Variants in LRRC7 observed in about 807,000 individuals in gnomAD.
LRRC7 encodes the protein leucine rich repeat containing 7.
Under a neutral mutation model 175.7 loss-of-function variants are expected in LRRC7, and 23 were observed. That is an observed-to-expected ratio of 0.13 (90% CI 0.09 to 0.19). The LOEUF (loss-of-function observed/expected upper bound fraction) is 0.19, where lower values mean the gene tolerates loss of function less well. LRRC7 is among the 10% of genes least tolerant of loss of function. The pLI is 1.00. For missense variants in LRRC7, 1,354 were observed against 1,904.7 expected (o/e 0.71, Z 5.38); for synonymous variants, 685 against 680.9 (o/e 1.01, Z -0.09).
At position 69,781,340 on chromosome 1, in the gene LRRC7, T is replaced by C. The variant is rs149846250; in HGVS notation, c.304-10703T>C. Reference sequence around the variant, plus strand: ...TGTTGTCAGTTCTCACCATTATCTTTCCAAAGCTCAGATCTGATCATTCAG... The same window carrying C: ...TGTTGTCAGTTCTCACCATTATCTTCCCAAAGCTCAGATCTGATCATTCAG... On this transcript the variant is annotated intron_variant, in intron 3 of 26. Transcript: ENST00000651989. 3.7e-4 allele frequency among the ~76,000 whole-genome samples: 56 copies of C among 151,986 alleles called. 1 individual carries two copies. The highest frequency in any genetic ancestry group is 1.3e-3 in the African/African-American group (54 of 41,476).
intron 1 of LRRC7, among the ~76,000 whole-genome samples, chr1:69,619,990 A>G (rs1650298024): frequency 6.6e-6 from 1 of 152,228 alleles, no homozygotes. Flanking sequence ...TCTTGCAAAG[A>G]GACTTCAAGA....
intron 7 of LRRC7, among the ~76,000 whole-genome samples, chr1:69,846,752 TC>T (rs1205245617): frequency 6.6e-6 from 1 of 152,048 alleles, no homozygotes; most frequent in African/African-American, 2.4e-5. Flanking sequence ...AGGCTTATTA[TC>T]ATTTAGACCC....
At chr1:70,062,638 TC>T (rs1241909830) in intron 23 of LRRC7, among the ~76,000 whole-genome samples, 6 of 152,058 alleles carry the variant, frequency 3.9e-5, no homozygotes, top group African/African-American at 1.4e-4. Flanking sequence ...AATCAAAAAT[TC>T]CATGGAAATA....
At chr1:70,075,062 G>A (rs2102126791) in intron 23 of LRRC7, among the ~76,000 whole-genome samples, 1 of 152,246 alleles carries the variant, frequency 6.6e-6, no homozygotes, top group Non-Finnish European at 1.5e-5. Flanking sequence ...CAAGAGGAAA[G>A]AAAATGAATT....
chr1:69,920,008 C>A, intron 7 of LRRC7: 1 of 470,756 alleles, frequency 2.1e-6, no homozygotes. Context: ...TGGGGTTCCC[C>A]ACTCCCTGTC....
At position 70,125,727 on chromosome 1, in the gene LRRC7, G is replaced by C. The variant is rs1432321782; in HGVS notation, c.*3840G>C. Among the ~76,000 whole-genome samples, 1 of 139,130 alleles carries C rather than the reference G, an allele frequency of 7.2e-6. No homozygotes were observed. The highest frequency in any genetic ancestry group is 1.5e-5 in the Non-Finnish European group (1 of 65,332). The allele number at this position is 139,130 out of a possible 152,430, so 91.3% of individuals were successfully genotyped here. A position where few individuals can be genotyped will look rare whatever the true frequency, so the allele number is the denominator to read the frequency against. ...GAATGGCGTGAACCCAGGAGGCGGAGCTTGCAGTGAGCCGAGATCCCGCCA... is the reference window on the plus strand; with the variant it reads ...GAATGGCGTGAACCCAGGAGGCGGACCTTGCAGTGAGCCGAGATCCCGCCA... On this transcript the variant is annotated 3_prime_UTR_variant, in exon 27 of 27. Transcript: ENST00000651989.
intron 1 of LRRC7, among the ~76,000 whole-genome samples, chr1:69,669,598 G>C (rs150963851): frequency 8.9e-4 from 136 of 152,130 alleles, no homozygotes; most frequent in African/African-American, 2.9e-3. Flanking sequence ...CTCATACTTG[G>C]ATATTGATAT....
At chr1:69,825,259 G>T (rs1034519783) in intron 4 of LRRC7, among the ~76,000 whole-genome samples, 3 of 152,062 alleles carry the variant, frequency 2.0e-5, no homozygotes, top group African/African-American at 7.2e-5. Flanking sequence ...ATATTAGTTT[G>T]GGAATATCTA....
intron 7 of LRRC7, among the ~76,000 whole-genome samples, chr1:69,909,204 G>A (rs1646433327): frequency 6.6e-6 from 1 of 152,072 alleles, no homozygotes; most frequent in African/African-American, 2.4e-5. Flanking sequence ...GCACACTGAT[G>A]GGTCTTGACT....
intron 2 of LRRC7, among the ~76,000 whole-genome samples, chr1:69,687,978 T>C (rs1428112114): frequency 2.6e-5 from 4 of 152,218 alleles, no homozygotes; most frequent in Non-Finnish European, 5.9e-5. Context: ...TTCTGTCTGT[T>C]TGCTTCCCTC....
chr1:69,615,760 G>A (rs1284764925), intron 1 of LRRC7, among the ~76,000 whole-genome samples: 3 of 151,950 alleles, frequency 2.0e-5, no homozygotes, highest in Admixed American at 6.6e-5. Context: ...TTACTGTGAG[G>A]TTAATGAAAA....
chr1:69,609,394 A>G (rs1359976192), intron 1 of LRRC7, among the ~76,000 whole-genome samples: 1 of 152,096 alleles, frequency 6.6e-6, no homozygotes, highest in Non-Finnish European at 1.5e-5. Context: ...GAGATGAAAT[A>G]AATTTATTAG....
intron 11 of LRRC7, among the ~76,000 whole-genome samples, chr1:70,007,982 T>C (rs1468901636): frequency 1.3e-5 from 2 of 152,184 alleles, no homozygotes; most frequent in African/African-American, 4.8e-5. Flanking sequence ...TGTGCTTGTA[T>C]TAGTCAGGGT....
intron 7 of LRRC7, among the ~76,000 whole-genome samples, chr1:69,844,095 T>C (rs1682054396): frequency 6.6e-6 from 1 of 152,130 alleles, no homozygotes; most frequent in Non-Finnish European, 1.5e-5. Flanking sequence ...AAAAACATGA[T>C]TTTTAGTTTT....
At chr1:69,975,269 C>A (rs1652692025) in intron 8 of LRRC7, among the ~76,000 whole-genome samples, 1 of 152,084 alleles carries the variant, frequency 6.6e-6, no homozygotes, top group Non-Finnish European at 1.5e-5. Flanking sequence ...CATGAAAGGC[C>A]TTATGTTCCC....
intron 8 of LRRC7, among the ~76,000 whole-genome samples, chr1:69,972,132 T>G (rs534512366): frequency 1.3e-5 from 2 of 152,310 alleles, no homozygotes; most frequent in Admixed American, 1.3e-4. Flanking sequence ...TCAAGATGGA[T>G]GAAGGACTTA....
At chr1:69,589,731 T>C (rs1398770021) in intron 1 of LRRC7, among the ~76,000 whole-genome samples, 1 of 152,178 alleles carries the variant, frequency 6.6e-6, no homozygotes, top group East Asian at 1.9e-4. Flanking sequence ...CACTATAGTT[T>C]GGCTTACTTT....
chr1:69,743,257 G>A (rs555145741), intron 2 of LRRC7, among the ~76,000 whole-genome samples: 50 of 152,110 alleles, frequency 3.3e-4, no homozygotes, highest in African/African-American at 1.2e-3. Context: ...ATAAATGTTA[G>A]AAAGTGCTCT....
At chr1:69,681,855 T>C (rs1254691960) in intron 2 of LRRC7, among the ~76,000 whole-genome samples, 1 of 152,202 alleles carries the variant, frequency 6.6e-6, no homozygotes, top group Non-Finnish European at 1.5e-5. Context: ...TAATTTTTTA[T>C]GTTGCTATAA....
Sources: gnomAD v4.1 joint callset for allele counts (sites outside exome capture counted in the v4.1 genomes callset) on GRCh38, gnomAD v4.1.1 for gene constraint, MANE v1.5 for transcripts, NCBI Gene and HGNC (gene_info 2026-07-23, HGNC 2026-07-21) for gene names.